Variants in SDF2L1 observed in about 807,000 individuals in gnomAD.
SDF2L1 encodes the protein stromal cell derived factor 2 like 1.
In SDF2L1, 18 loss-of-function variants were observed where a neutral mutation model predicts 19.4. The observed-to-expected ratio is 0.93, with a 90% CI of 0.64 to 1.38. SDF2L1 has a LOEUF of 1.38. SDF2L1 is among the 40% of genes most tolerant of loss of function. The pLI is 0.00. For missense variants in SDF2L1, 263 were observed against 319.4 expected (o/e 0.82, Z 1.35); for synonymous variants, 161 against 148.9 (o/e 1.08, Z -0.59).
rs767602490 is a variant in SDF2L1, at chr22:21,642,383, G to A, written c.47G>A (p.Gly16Glu). Residue 16 changes from glycine (G) to glutamate (E), a missense_variant, in exon 1 of 3, where the codon GGG (glycine) becomes GAG (glutamate). Physicochemically the swap from Gly to Glu is moderately conservative, Grantham distance 98 (BLOSUM62 -2). Transcript: ENST00000248958. The part of the protein sequence containing the change: ...RGGAAWPVLL[G>E]LLLALLVPGG... ...GGGGCTGCCTGGCCGGTGCTGTTGG[G>A]GCTGCTGCTGGCGCTGTTAGTGCCG... 7.0e-4 allele frequency: 1,006 copies of A among 1,445,110 alleles called. No homozygotes were observed. Among genetic ancestry groups the A allele is most frequent in the Non-Finnish European group, 8.8e-4 (979 of 1,109,598 alleles). The allele number at this position is 1,445,110 out of a possible 1,614,324, so 89.5% of individuals were successfully genotyped here.
chr22:21,642,979 A>T lies in SDF2L1; in HGVS notation c.305A>T (p.Gln102Leu). 1.3e-6 allele frequency: 2 copies of T among 1,567,398 alleles called. No homozygotes were observed. The highest frequency in any genetic ancestry group is 1.7e-6 in the Non-Finnish European group (2 of 1,157,530). The change falls in exon 2 of 3, where the codon CAG becomes CTG. Residue 102 changes from glutamine to leucine, a missense_variant. By Grantham distance (113) the Gln-to-Leu change is moderately radical. Transcript: ENST00000248958. ...CPRGSPVRCG[Q>L]AVRLTHVLTG... ...CGCGGGTCCCCGGTGCGCTGCGGGC[A>T]GGCGGTGAGGCTCACGCATGTGCTT...
At chr22:21,643,721 C>T (rs2066099081) in intron 2 of SDF2L1, among the ~76,000 whole-genome samples, 173 bp from the exon 3 acceptor site, 1 of 152,118 alleles carries the variant, frequency 6.6e-6, no homozygotes, top group Non-Finnish European at 1.5e-5. Flanking sequence ...GTCTGAAGAG[C>T]CCATGCTGGG....
In SDF2L1 at chr22:21,642,478, C is replaced by T. The variant is rs1251907109; in HGVS notation, c.142C>T (p.His48Tyr). ...CGSVLKLLNTHHRVRLHSHDI... is the reference protein window; with the variant it reads ...CGSVLKLLNTYHRVRLHSHDI... ...GTCGGTGCTGAAGCTGCTCAATACGCACCACCGCGTGCGGCTGCACTCGCA... is the reference window on the plus strand; with the variant it reads ...GTCGGTGCTGAAGCTGCTCAATACGTACCACCGCGTGCGGCTGCACTCGCA... The change falls in exon 1 of 3, where the codon CAC becomes TAC. Residue 48 changes from histidine (H) to tyrosine (Y), a missense_variant. His to Tyr is a moderately conservative substitution (Grantham distance 83). Coordinates refer to ENST00000248958, the MANE Select transcript of SDF2L1 (RefSeq NM_022044.3). The T allele has an allele frequency of 1.3e-6, 2 of 1,519,544 alleles. No individual in the cohort carries two copies. Among genetic ancestry groups the T allele is most frequent in the Non-Finnish European group, 1.8e-6 (2 of 1,139,386 alleles). 94.1% of individuals were successfully genotyped at this position (1,519,544 alleles called of 1,614,324 possible).
At position 21,642,396 on chromosome 22, in the gene SDF2L1, G is replaced by T. The variant is rs1361925997; in HGVS notation, c.60G>T (p.Ala20=). ...AWPVLLGLLL[A]LLVPGGGAAK... ...CGGTGCTGTTGGGGCTGCTGCTGGC[G>T]CTGTTAGTGCCGGGCGGTGGTGCCG... Residue 20 remains alanine, a synonymous_variant, in exon 1 of 3, where the codon GCG becomes GCT. Transcript: ENST00000248958. 3 of 1,448,286 alleles carry T rather than the reference G, an allele frequency of 2.1e-6. No individual in the cohort carries two copies. Among genetic ancestry groups the T allele is most frequent in the Non-Finnish European group, 2.7e-6 (3 of 1,110,702 alleles). The allele number at this position is 1,448,286 out of a possible 1,614,324, so 89.7% of individuals were successfully genotyped here.
In SDF2L1 at chr22:21,642,882, AC is replaced by A; in HGVS notation, c.210del (p.Gly71AlafsTer2). On this transcript the variant is annotated frameshift_variant, in exon 2 of 3. Transcript: ENST00000248958. LOFTEE classifies it high-confidence loss of function. ...CTCAGGCAGCGGCCAGCAATCGGTGACCGGCGTAGAGGCGTCGGACGACGCC... is the reference window on the plus strand; with the variant it reads ...CTCAGGCAGCGGCCAGCAATCGGTGACGGCGTAGAGGCGTCGGACGACGCC... The part of the protein sequence containing the change: ...YGSGSGQQSV[T>X]GVEASDDANS... 1 of 1,597,304 alleles carries A rather than the reference AC, an allele frequency of 6.3e-7. No individual in the cohort carries two copies. The highest frequency in any genetic ancestry group is 8.5e-7 in the Non-Finnish European group (1 of 1,173,998).
intron 2 of SDF2L1, 72 bp from the exon 3 acceptor site, chr22:21,643,822 G>A (rs910686996): frequency 3.3e-5 from 48 of 1,467,824 alleles, no homozygotes; most frequent in African/African-American, 9.8e-5. Context: ...GGAAGAACCC[G>A]AGGCTCGGTG....
rs202052752 is a variant in SDF2L1 at position 21,643,880 on chromosome 22, C to G, written c.385-14C>G. On this transcript the variant is annotated splice_polypyrimidine_tract_variant and intron_variant, in intron 2 of 2. Coordinates refer to ENST00000248958, the MANE Select transcript of SDF2L1 (RefSeq NM_022044.3). ...CTGTGGTGACCACTGTCTTCTCATC[C>G]TTTGCACCTATAGGAGGTGAGTGCC... The G allele has an allele frequency of 3.4e-5, 55 of 1,607,128 alleles. No homozygotes were observed. The African/African-American group carries it at 4.4e-4, about 13-fold the overall frequency.
In SDF2L1 at chr22:21,642,309, C is replaced by A. The variant is rs891421295; in HGVS notation, c.-28C>A. The A allele has an allele frequency of 1.4e-4, 182 of 1,315,344 alleles. No homozygotes were observed. Among genetic ancestry groups the A allele is most frequent in the Non-Finnish European group, 1.7e-4 (181 of 1,038,844 alleles). The allele number at this position is 1,315,344 out of a possible 1,614,324, so 81.5% of individuals were successfully genotyped here. ...GGCGGGGACGGAAGCGGCCCCTGGGCCCGAGGGGCTGGAGCCGGGCCGGGG... is the reference window on the plus strand; with the variant it reads ...GGCGGGGACGGAAGCGGCCCCTGGGACCGAGGGGCTGGAGCCGGGCCGGGG... On this transcript the variant is annotated 5_prime_UTR_variant, in exon 1 of 3. Transcript: ENST00000248958.
chr22:21,642,383 G>GGCTGCTGCTGGC lies in SDF2L1; in HGVS notation c.52_63dup (p.Leu19_Leu22dup), dbSNP rs1348794502. The GGCTGCTGCTGGC allele has an allele frequency of 6.9e-7, 1 of 1,444,992 alleles. No homozygotes were observed. The highest frequency in any genetic ancestry group is 9.0e-7 in the Non-Finnish European group (1 of 1,109,606). The allele number at this position is 1,444,992 out of a possible 1,614,324, so 89.5% of individuals were successfully genotyped here. A position where few individuals can be genotyped will look rare whatever the true frequency, so the allele number is the denominator to read the frequency against. ...GGGGCTGCCTGGCCGGTGCTGTTGG[G>GGCTGCTGCTGGC]GCTGCTGCTGGCGCTGTTAGTGCCG... On this transcript the variant is annotated inframe_insertion, in exon 1 of 3. Transcript: ENST00000248958.
chr22:21,642,661 G>C (rs1359515030), intron 1 of SDF2L1, 138 bp downstream of exon 1: 1 of 1,213,320 alleles, frequency 8.2e-7, no homozygotes, highest in South Asian at 1.5e-5. Flanking sequence ...GGAGGTCGAG[G>C]GGCCAAAGCT....
In SDF2L1 at chr22:21,642,496, C is replaced by T; in HGVS notation, c.160C>T (p.His54Tyr). 5.3e-6 allele frequency: 8 copies of T among 1,519,146 alleles called. No homozygotes were observed. Among genetic ancestry groups the T allele is most frequent in the Non-Finnish European group, 7.0e-6 (8 of 1,139,276 alleles). 94.1% of individuals were successfully genotyped at this position (1,519,146 alleles called of 1,614,324 possible). The change falls in exon 1 of 3, where the codon CAC (histidine) becomes TAC (tyrosine). Residue 54 changes from histidine to tyrosine, a missense_variant. Around this residue, in one of 3 missense-constraint regions of SDF2L1, gnomAD observed 203 missense variants for 256.9 expected, o/e 0.79. Coordinates refer to ENST00000248958, the MANE Select transcript of SDF2L1 (RefSeq NM_022044.3). ...CAATACGCACCACCGCGTGCGGCTGCACTCGCACGACATCAAATACGGATC... is the reference window on the plus strand; with the variant it reads ...CAATACGCACCACCGCGTGCGGCTGTACTCGCACGACATCAAATACGGATC... The part of the protein sequence containing the change: ...LLNTHHRVRL[H>Y]SHDIKYGSGS...
rs77905643 is a variant in SDF2L1 at position 21,643,933 on chromosome 22, C to G, written c.424C>G (p.Leu142Val). 2 of 1,613,974 alleles carry G rather than the reference C, an allele frequency of 1.2e-6. No individual in the cohort carries two copies. The highest frequency in any genetic ancestry group is 1.3e-5 in the African/African-American group (1 of 75,016). The change falls in exon 3 of 3, where the codon CTG (leucine) becomes GTG (valine). Residue 142 changes from leucine (L) to valine (V), a missense_variant. By Grantham distance (32) the Leu-to-Val change is conservative. This residue lies in a region of SDF2L1 where 203 missense variants were observed against 256.9 expected (regional missense o/e 0.79). Coordinates refer to ENST00000248958, the MANE Select transcript of SDF2L1 (RefSeq NM_022044.3). ...TGGGGAAGACGGCGAGGGCGACGAC[C>G]TGGACCTATGGACAGTGCGCTGCTC... The part of the protein sequence containing the change: ...AFGEDGEGDD[L>V]DLWTVRCSGQ...
rs757019433 is a variant in SDF2L1 at position 21,642,905 on chromosome 22, C to T, written c.231C>T (p.Asp77=). 6 of 1,594,144 alleles carry T rather than the reference C, an allele frequency of 3.8e-6. No individual in the cohort carries two copies. The highest frequency in any genetic ancestry group is 2.3e-5 in the South Asian group (2 of 88,710). Residue 77 remains aspartate, a synonymous_variant, in exon 2 of 3, where the codon GAC becomes GAT. Transcript: ENST00000248958. The stretch of plus-strand genomic sequence containing the variant: ...TGACCGGCGTAGAGGCGTCGGACGA[C>T]GCCAATAGCTACTGGCGGATCCGCG... The part of the protein sequence containing the change: ...QSVTGVEASD[D]ANSYWRIRGG...
chr22:21,642,757 G>A, intron 1 of SDF2L1, 105 bp from the exon 2 acceptor site: 1 of 1,381,342 alleles, frequency 7.2e-7, no homozygotes, highest in Admixed American at 2.5e-5. Flanking sequence ...GCGGGGGCTG[G>A]GGGTGAGCCC....
chr22:21,642,663 G>T (rs1601469668), intron 1 of SDF2L1, 140 bp downstream of exon 1: 2 of 1,216,496 alleles, frequency 1.6e-6, no homozygotes, highest in Non-Finnish European at 1.1e-6. Flanking sequence ...AGGTCGAGGG[G>T]CCAAAGCTTT....
In SDF2L1 at chr22:21,642,845, G is replaced by A; in HGVS notation, c.188-17G>A. 3 of 1,584,062 alleles carry A rather than the reference G, an allele frequency of 1.9e-6. No homozygotes were observed. The highest frequency in any genetic ancestry group is 2.6e-6 in the Non-Finnish European group (3 of 1,167,386). On this transcript the variant is annotated splice_polypyrimidine_tract_variant and intron_variant, in intron 1 of 2. Transcript: ENST00000248958. ...CGATTGACGGAGACCCTGGGTGTGTGGGGTGTCACTCCTCAGGCAGCGGCC... is the reference window on the plus strand; with the variant it reads ...CGATTGACGGAGACCCTGGGTGTGTAGGGTGTCACTCCTCAGGCAGCGGCC...
intron 2 of SDF2L1, 143 bp from the exon 3 acceptor site, chr22:21,643,751 C>T (rs1020624946): frequency 7.4e-5 from 55 of 745,402 alleles, no homozygotes; most frequent in East Asian, 1.1e-4. Context: ...CTAGAGGTTG[C>T]GGGGGCGGGT....
Position 21,642,331 on chromosome 22 carries a change from G to T in SDF2L1, c.-6G>T. 1 of 1,358,848 alleles carries T rather than the reference G, an allele frequency of 7.4e-7. No homozygotes were observed. The allele number at this position is 1,358,848 out of a possible 1,614,324, so 84.2% of individuals were successfully genotyped here. ...GGGCCCGAGGGGCTGGAGCCGGGCC[G>T]GGGCGATGTGGAGCGCGGGCCGCGG... is the stretch of plus-strand genomic sequence containing the variant. On this transcript the variant is annotated 5_prime_UTR_variant, in exon 1 of 3. Transcript: ENST00000248958.
Position 21,642,340 on chromosome 22 carries a change from T to C in SDF2L1, c.4T>C (p.Trp2Arg). 1 of 1,373,882 alleles carries C rather than the reference T, an allele frequency of 7.3e-7. No individual in the cohort carries two copies. The highest frequency in any genetic ancestry group is 1.5e-5 in the African/African-American group (1 of 65,050). The allele number at this position is 1,373,882 out of a possible 1,614,324, so 85.1% of individuals were successfully genotyped here. The change falls in exon 1 of 3, where the codon TGG becomes CGG. Residue 2 changes from tryptophan (W) to arginine (R), a missense_variant. This residue lies in a region of SDF2L1 where 56 missense variants were observed against 45.3 expected (regional missense o/e 1.24). Transcript: ENST00000248958. ...GGGCTGGAGCCGGGCCGGGGCGATG[T>C]GGAGCGCGGGCCGCGGCGGGGCTGC... M[W>R]SAGRGGAAWP...
Sources: allele counts gnomAD v4.1 joint callset (sites outside exome capture counted in the v4.1 genomes callset), GRCh38; gene constraint gnomAD v4.1.1; regional missense constraint gnomAD v4.1.1; transcripts MANE v1.5; gene names NCBI Gene and HGNC (gene_info 2026-07-23, HGNC 2026-07-21).